TULP4: variants seen among roughly 807,000 people sequenced by gnomAD.
The protein encoded by TULP4 is TUB like protein 4.
TULP4 carries 16 observed loss-of-function variants against 129.0 expected under a neutral mutation model. The observed-to-expected ratio is 0.12, with a 90% CI of 0.08 to 0.19. TULP4 has a LOEUF of 0.19. TULP4 is among the 10% of genes least tolerant of loss of function. The pLI is 1.00. For synonymous variants in TULP4, 998 were observed against 854.0 expected (o/e 1.17, Z -2.94); for missense variants, 1,842 against 2,059.1 (o/e 0.89, Z 2.04).
intron 1 of TULP4, among the ~76,000 whole-genome samples, chr6:158,240,384 G>C (rs1175426890): frequency 5.6e-5 from 4 of 71,380 alleles, no homozygotes; most frequent in Non-Finnish European, 6.1e-5. Context: ...GCGGCTGGCC[G>C]GGCAGAGGGG....
Position 158,357,660 on chromosome 6 carries a change from G to A in TULP4, c.252+43392G>A, listed in dbSNP as rs141463729. ...GGAATCGTCTCCTGAAACTTGAAGT[G>A]TTCCTCTGATGCCGAGGCCTGGCCT... On this transcript the variant is annotated intron_variant, in intron 1 of 13. Transcript: ENST00000367097. Among the ~76,000 whole-genome samples the A allele has an allele frequency of 3.0e-3, 455 of 152,274 alleles. 3 individuals carry two copies. Among genetic ancestry groups the A allele is most frequent in the African/African-American group, 0.011 (448 of 41,544 alleles).
intron 1 of TULP4, among the ~76,000 whole-genome samples, chr6:158,366,219 G>C (rs1221845715): frequency 6.6e-6 from 1 of 152,156 alleles, no homozygotes; most frequent in African/African-American, 2.4e-5. Flanking sequence ...CTTTCTTGAA[G>C]TTGGTTTCCC....
chr6:158,252,578 G>A (rs779161795), intron 1 of TULP4, among the ~76,000 whole-genome samples: 6 of 151,946 alleles, frequency 3.9e-5, no homozygotes, highest in Non-Finnish European at 8.8e-5. Context: ...GTTTCACCAC[G>A]TTGGCCAGGA....
At chr6:158,266,643 A>G (rs1164274217) in intron 1 of TULP4, among the ~76,000 whole-genome samples, 2 of 152,072 alleles carry the variant, frequency 1.3e-5, no homozygotes, top group Non-Finnish European at 1.5e-5. Flanking sequence ...ACGTTCAAAG[A>G]AAAAAAATAC....
chr6:158,421,764 A>G (rs1444354108), intron 2 of TULP4, among the ~76,000 whole-genome samples: 3 of 152,182 alleles, frequency 2.0e-5, no homozygotes, highest in Admixed American at 6.5e-5. Flanking sequence ...TTTGGGGTAA[A>G]ATATTTTTAT....
chr6:158,368,066 C>CAAAAAAAAAAAAAAAAAAAAA lies in TULP4; in HGVS notation c.253-44997_253-44977dup, dbSNP rs3085241. Among the ~76,000 whole-genome samples the CAAAAAAAAAAAAAAAAAAAAA allele has an allele frequency of 2.8e-4, 18 of 65,016 alleles. 1 individual carries two copies. The highest frequency in any genetic ancestry group is 4.4e-4 in the Non-Finnish European group (15 of 34,468). The allele number at this position is 65,016 out of a possible 152,430, so 42.7% of individuals were successfully genotyped here. Reference sequence around the variant, plus strand: ...ACTCCAGCCTGGGTGACCCTGTCTCCAAAAAAAAAAAAAAAAAAAAAAGGA... The same window carrying CAAAAAAAAAAAAAAAAAAAAA: ...ACTCCAGCCTGGGTGACCCTGTCTCCAAAAAAAAAAAAAAAAAAAAAAAAAAAAAAAAAAAAAAAAAAAGGA... On this transcript the variant is annotated intron_variant, in intron 1 of 13. Transcript: ENST00000367097.
At chr6:158,246,365 G>A (rs923914868) in intron 1 of TULP4, among the ~76,000 whole-genome samples, 19 of 151,868 alleles carry the variant, frequency 1.3e-4, no homozygotes, top group Non-Finnish European at 1.8e-4. Context: ...GGTGGCAGGC[G>A]CCTGTAGTCC....
At chr6:158,359,601 C>T (rs766997003) in intron 1 of TULP4, among the ~76,000 whole-genome samples, 3 of 152,158 alleles carry the variant, frequency 2.0e-5, no homozygotes, top group East Asian at 1.9e-4. Context: ...ATTCTGGTCA[C>T]GATGGCAGTT....
intron 1 of TULP4, among the ~76,000 whole-genome samples, chr6:158,391,674 G>C (rs746008576): frequency 2.6e-4 from 39 of 152,162 alleles, no homozygotes; most frequent in African/African-American, 9.4e-4. Flanking sequence ...GAATAGGGAC[G>C]GGCTACTTTG....
intron 1 of TULP4, among the ~76,000 whole-genome samples, chr6:158,252,887 A>G (rs759068347): frequency 1.3e-5 from 2 of 152,050 alleles, no homozygotes; most frequent in Non-Finnish European, 2.9e-5. Context: ...GGGTTTTTCT[A>G]TCCGCGTTTG....
At chr6:158,472,162 G>A (rs989120819) in intron 6 of TULP4, among the ~76,000 whole-genome samples, 4 of 152,150 alleles carry the variant, frequency 2.6e-5, no homozygotes, top group African/African-American at 9.7e-5. Context: ...TAACACCTCT[G>A]GCATGTATTA....
intron 1 of TULP4, among the ~76,000 whole-genome samples, chr6:158,383,322 C>G (rs908440439): frequency 1.3e-5 from 2 of 152,170 alleles, no homozygotes; most frequent in Non-Finnish European, 2.9e-5. Context: ...GTTATGAAAT[C>G]TTACATTCAG....
At chr6:158,432,299 A>G (rs1778648484) in intron 3 of TULP4, among the ~76,000 whole-genome samples, 1 of 152,022 alleles carries the variant, frequency 6.6e-6, no homozygotes, top group Non-Finnish European at 1.5e-5. Flanking sequence ...CAATGAAAAA[A>G]GAGTCCATAG....
At chr6:158,247,457 C>A (rs993441431) in intron 1 of TULP4, among the ~76,000 whole-genome samples, 1 of 152,208 alleles carries the variant, frequency 6.6e-6, no homozygotes, top group Admixed American at 6.5e-5. Flanking sequence ...AAAACTGTTG[C>A]TCAGCAATTT....
intron 1 of TULP4, among the ~76,000 whole-genome samples, chr6:158,365,151 C>T (rs1235730328): frequency 1.3e-5 from 2 of 151,938 alleles, no homozygotes; most frequent in East Asian, 1.9e-4. Context: ...GCCTCCCCAC[C>T]ACTCCTTCTA....
At chr6:158,269,782 T>G (rs1318042554) in intron 1 of TULP4, among the ~76,000 whole-genome samples, 5 of 152,242 alleles carry the variant, frequency 3.3e-5, no homozygotes, top group Admixed American at 6.5e-5. Flanking sequence ...ATATGTTTAT[T>G]TAGTCTTCCC....
chr6:158,376,273 C>T (rs1299200165), intron 1 of TULP4, among the ~76,000 whole-genome samples: 1 of 152,206 alleles, frequency 6.6e-6, no homozygotes, highest in African/African-American at 2.4e-5. Flanking sequence ...TCTGGCTTAG[C>T]ATCTGTCATG....
chr6:158,478,346 A>G lies in TULP4; in HGVS notation c.1027-1405A>G, dbSNP rs568901914. Among the ~76,000 whole-genome samples, 5 of 152,354 alleles carry G rather than the reference A, an allele frequency of 3.3e-5. No individual in the cohort carries two copies. The South Asian group carries it at 8.3e-4, about 25-fold the overall frequency. The stretch of plus-strand genomic sequence containing the variant: ...GGTAAAGGGACAGCAGCGTATCTTT[A>G]AGATCAAGCATGATTTTGTTACTAA... On this transcript the variant is annotated intron_variant, in intron 6 of 13. Coordinates refer to ENST00000367097, the MANE Select transcript of TULP4 (RefSeq NM_020245.5).
At position 158,313,855 on chromosome 6, in the gene TULP4, A is replaced by G. The variant is rs529148497; in HGVS notation, c.-162A>G. 5 of 753,248 alleles carry G rather than the reference A, an allele frequency of 6.6e-6. No individual in the cohort carries two copies. The highest frequency in any genetic ancestry group is 6.0e-5 in the Admixed American group (2 of 33,136). The allele number at this position is 753,248 out of a possible 1,614,324, so 46.7% of individuals were successfully genotyped here. ...TTCACTATGCATTCGGTGGATCTTT[A>G]TAAAATACTGACCTTCTAATTAGAT... is the stretch of plus-strand genomic sequence containing the variant. On this transcript the variant is annotated 5_prime_UTR_variant, in exon 1 of 14. Transcript: ENST00000367097.
Sources: allele counts gnomAD v4.1 joint callset (sites outside exome capture counted in the v4.1 genomes callset), GRCh38; gene constraint gnomAD v4.1.1; transcripts MANE v1.5; gene names NCBI Gene and HGNC (gene_info 2026-07-23, HGNC 2026-07-21).